DYNC1I1: variants seen among roughly 807,000 people sequenced by gnomAD.
The protein encoded by DYNC1I1 is cytoplasmic dynein 1 intermediate chain 1.
DYNC1I1 carries 43 observed loss-of-function variants against 86.6 expected under a neutral mutation model. The ratio of observed to expected loss-of-function variants is 0.50; its 90% confidence interval spans 0.39 to 0.64. The LOEUF (loss-of-function observed/expected upper bound fraction) is 0.64, where lower values mean the gene tolerates loss of function less well. Ranked by LOEUF, DYNC1I1 falls within the 30% of genes least tolerant of loss-of-function variation. The pLI is 0.00. For missense variants in DYNC1I1, 604 were observed against 788.8 expected (o/e 0.77, Z 2.81); for synonymous variants, 262 against 283.7 (o/e 0.92, Z 0.77).
chr7:95,853,155 T>C (rs1367284420), intron 5 of DYNC1I1, among the ~76,000 whole-genome samples: 2 of 152,222 alleles, frequency 1.3e-5, no homozygotes, highest in African/African-American at 4.8e-5. Flanking sequence ...TTTTTTTAGA[T>C]GCTATGGTTT....
intron 6 of DYNC1I1, among the ~76,000 whole-genome samples, chr7:95,881,433 T>A (rs541501360): frequency 6.6e-6 from 1 of 152,358 alleles, no homozygotes; most frequent in South Asian, 2.1e-4. Context: ...AATAAGATTT[T>A]CTGTAAAATT....
chr7:95,955,672 G>A (rs955067597), intron 6 of DYNC1I1, among the ~76,000 whole-genome samples: 3 of 151,952 alleles, frequency 2.0e-5, no homozygotes, highest in East Asian at 3.9e-4. Flanking sequence ...GTTCACTTTC[G>A]GAAACACATT....
At chr7:96,072,627 C>G (rs1189347233) in intron 14 of DYNC1I1, among the ~76,000 whole-genome samples, 3 of 152,166 alleles carry the variant, frequency 2.0e-5, no homozygotes, top group Admixed American at 1.3e-4. Context: ...TTGCCCCCAT[C>G]ATCTCCAGCC....
At chr7:96,071,541 C>T (rs1790159959) in intron 14 of DYNC1I1, among the ~76,000 whole-genome samples, 1 of 152,214 alleles carries the variant, frequency 6.6e-6, no homozygotes, top group African/African-American at 2.4e-5. Context: ...CACCCAGAGT[C>T]ATACAAACCT....
At chr7:95,974,088 T>A (rs1308052767) in intron 6 of DYNC1I1, among the ~76,000 whole-genome samples, 2 of 152,244 alleles carry the variant, frequency 1.3e-5, no homozygotes, top group Non-Finnish European at 2.9e-5. Flanking sequence ...CACCTCATTG[T>A]GGCCTTGGTG....
intron 12 of DYNC1I1, among the ~76,000 whole-genome samples, chr7:96,034,690 G>C (rs1343884263): frequency 6.6e-6 from 1 of 152,136 alleles, no homozygotes; most frequent in East Asian, 1.9e-4. Flanking sequence ...CCTATGTGTG[G>C]ATATCACAAA....
intron 6 of DYNC1I1, among the ~76,000 whole-genome samples, chr7:95,930,499 T>C (rs1016307618): frequency 5.3e-5 from 8 of 152,354 alleles, no homozygotes; most frequent in Admixed American, 2.0e-4. Context: ...TTTTCCTCCC[T>C]TTTCTTGAGG....
At chr7:95,788,702 T>C (rs1338060173) in intron 1 of DYNC1I1, among the ~76,000 whole-genome samples, 1 of 152,214 alleles carries the variant, frequency 6.6e-6, no homozygotes, top group Non-Finnish European at 1.5e-5. Context: ...GGTTTTGCAG[T>C]TGATTACCAC....
intron 10 of DYNC1I1, among the ~76,000 whole-genome samples, chr7:96,017,078 T>C (rs1030251585): frequency 6.6e-6 from 1 of 152,180 alleles, no homozygotes; most frequent in African/African-American, 2.4e-5. Context: ...TAATGCTGCC[T>C]ACACTTTTTC....
intron 6 of DYNC1I1, among the ~76,000 whole-genome samples, chr7:95,913,981 T>C (rs1486314836): frequency 6.6e-6 from 1 of 152,164 alleles, no homozygotes; most frequent in East Asian, 1.9e-4. Flanking sequence ...GAAGCTCTGA[T>C]CTTGGGCAGA....
At chr7:96,075,978 A>T in intron 14 of DYNC1I1, 79 bp from the exon 15 acceptor site, 1 of 1,539,668 alleles carries the variant, frequency 6.5e-7, no homozygotes, top group Non-Finnish European at 8.7e-7. Context: ...GTGAATGTGC[A>T]AAGTTTTTAA....
intron 5 of DYNC1I1, among the ~76,000 whole-genome samples, chr7:95,854,404 G>T (rs991981369): frequency 2.6e-5 from 4 of 152,024 alleles, no homozygotes; most frequent in Non-Finnish European, 5.9e-5. Flanking sequence ...AATTTTGATT[G>T]CAAGAAGAAA....
intron 10 of DYNC1I1, among the ~76,000 whole-genome samples, chr7:96,026,864 T>G (rs1170171311): frequency 6.6e-6 from 1 of 151,966 alleles, no homozygotes; most frequent in African/African-American, 2.4e-5. Context: ...CTTCCATCTA[T>G]CCCCCTCACA....
chr7:96,029,909 T>TAA (rs552008387), intron 11 of DYNC1I1, among the ~76,000 whole-genome samples: 1 of 134,764 alleles, frequency 7.4e-6, no homozygotes, highest in Non-Finnish European at 1.6e-5. Flanking sequence ...AGACTTCCTC[T>TAA]AAAAAAAAAA....
At chr7:96,030,330 T>G (rs1211284615) in intron 11 of DYNC1I1, among the ~76,000 whole-genome samples, 10 of 135,400 alleles carry the variant, frequency 7.4e-5, no homozygotes, top group East Asian at 4.2e-4. Context: ...AATGGTAGAG[T>G]TGTGTGTGTG....
intron 14 of DYNC1I1, among the ~76,000 whole-genome samples, chr7:96,066,296 A>T (rs1429328645): frequency 2.6e-5 from 4 of 152,196 alleles, no homozygotes; most frequent in Admixed American, 1.3e-4. Context: ...CCTGTCCTAG[A>T]TAATACCATC....
intron 16 of DYNC1I1, among the ~76,000 whole-genome samples, chr7:96,087,338 T>C (rs1056998121): frequency 6.6e-6 from 1 of 152,202 alleles, no homozygotes. Flanking sequence ...ATAACCGTGC[T>C]TTATGAAGGC....
intron 13 of DYNC1I1, among the ~76,000 whole-genome samples, chr7:96,037,851 TA>T (rs1399472404): frequency 6.6e-6 from 1 of 152,196 alleles, no homozygotes; most frequent in Non-Finnish European, 1.5e-5. Flanking sequence ...AGTAACATTG[TA>T]ACGTAGCAGG....
intron 14 of DYNC1I1, among the ~76,000 whole-genome samples, chr7:96,061,723 C>CAA (rs1789782388): frequency 6.7e-6 from 1 of 149,288 alleles, no homozygotes; most frequent in Non-Finnish European, 1.5e-5. Flanking sequence ...CACACACACA[C>CAA]ACACACACAC....
Sources: gnomAD v4.1 joint callset for allele counts (sites outside exome capture counted in the v4.1 genomes callset) on GRCh38, gnomAD v4.1.1 for gene constraint, MANE v1.5 for transcripts, NCBI Gene and HGNC (gene_info 2026-07-23, HGNC 2026-07-21) for gene names.